Variants in MANBA observed in about 807,000 individuals in gnomAD.
The protein encoded by MANBA is mannosidase beta, also known as beta-mannosidase.
A neutral mutation model predicts 111.1 loss-of-function variants in MANBA; 83 were observed. The ratio of observed to expected loss-of-function variants is 0.75; its 90% CI spans 0.63 to 0.90. The LOEUF (loss-of-function observed/expected upper bound fraction) is 0.90. Ranked by LOEUF, MANBA falls within the 40% of genes least tolerant of loss-of-function variation. The pLI, the probability that MANBA is intolerant of heterozygous loss-of-function variation, is 0.00. For missense variants in MANBA, 1,036 were observed against 1,069.0 expected, an observed-to-expected ratio of 0.97 and a Z score of 0.43; for synonymous variants, 370 against 378.7, an observed-to-expected ratio of 0.98 and a Z score of 0.27.
chr4:102,697,483 A>C (rs981667058), intron 5 of MANBA, among the ~76,000 whole-genome samples: 1 of 149,368 alleles, frequency 6.7e-6, no homozygotes, highest in African/African-American at 2.5e-5. Flanking sequence ...CATTAGGTAT[A>C]TCTCCCAATG....
rs1336571654 is a variant in MANBA at position 102,664,702 on chromosome 4, T to C, written c.1468A>G (p.Arg490Gly). 6.2e-7 allele frequency: 1 copy of C among 1,612,926 alleles called. No homozygotes were observed. The highest frequency in any genetic ancestry group is 8.5e-7 in the Non-Finnish European group (1 of 1,178,820). Residue 490 changes from arginine to glycine, a missense_variant, in exon 11 of 17, where the codon AGA becomes GGA. Arg to Gly is a moderately radical substitution (Grantham distance 125, BLOSUM62 -2). Coordinates refer to ENST00000647097, the MANE Select transcript of MANBA (RefSeq NM_005908.4). The part of the protein sequence containing the change: ...DYVTLYVKNI[R>G]ELVLAGDKSR... ...TTACTTACTGCCAGTACGAGCTCTC[T>C]GATGTTTTTCACATAGAGTGTCACA... is the stretch of plus-strand genomic sequence containing the variant.
intron 11 of MANBA, 87 bp from the exon 12 acceptor site, chr4:102,657,987 T>C: frequency 9.9e-7 from 1 of 1,006,378 alleles, no homozygotes; most frequent in Non-Finnish European, 1.6e-6. Flanking sequence ...TACTAACAAG[T>C]CCCTGAAATG....
chr4:102,639,544 C>T lies in MANBA; in HGVS notation c.2014+169G>A, dbSNP rs115374885. On this transcript the variant is annotated intron_variant, in intron 14 of 16. Coordinates refer to ENST00000647097, the MANE Select transcript of MANBA (RefSeq NM_005908.4). ...GACCCTAAGGCTCATGGAAAGGCTA[C>T]TAAGGTGAGTTGGGTGGCTGTAGTT... Among the ~76,000 whole-genome samples, 1,667 of 152,272 alleles carry T rather than the reference C, an allele frequency of 0.011. 35 individuals are homozygous for T. The highest frequency in any genetic ancestry group is 0.038 in the African/African-American group (1,588 of 41,546).
chr4:102,648,253 T>A (rs1730185767), intron 13 of MANBA, among the ~76,000 whole-genome samples: 1 of 152,122 alleles, frequency 6.6e-6, no homozygotes, highest in Non-Finnish European at 1.5e-5. Flanking sequence ...TCTATGTCCA[T>A]ACGAAGATTT....
chr4:102,693,413 T>C (rs923008088), intron 5 of MANBA, among the ~76,000 whole-genome samples: 2 of 152,204 alleles, frequency 1.3e-5, no homozygotes, highest in Non-Finnish European at 2.9e-5. Context: ...AGTAATCTGT[T>C]AGGATTGCAG....
In MANBA at chr4:102,707,592, C is replaced by CA. The variant is rs557277723; in HGVS notation, c.673+6845dup. 1.8e-4 allele frequency among the ~76,000 whole-genome samples: 28 copies of CA among 151,578 alleles called. No individual in the cohort carries two copies. The South Asian group carries it at 3.8e-3, about 20-fold the overall frequency. On this transcript the variant is annotated intron_variant, in intron 5 of 16. Coordinates refer to ENST00000647097, the MANE Select transcript of MANBA (RefSeq NM_005908.4). Reference sequence around the variant, plus strand: ...CCACAGTGATAAACAATAATAGAAACAAAAAAAGGTATACAAAACAACCAG... The same window carrying CA: ...CCACAGTGATAAACAATAATAGAAACAAAAAAAAGGTATACAAAACAACCAG...
intron 3 of MANBA, among the ~76,000 whole-genome samples, chr4:102,723,525 C>A (rs113585170): frequency 5.3e-5 from 8 of 152,178 alleles, no homozygotes; most frequent in Admixed American, 4.6e-4. Flanking sequence ...TATAACTATT[C>A]CAGAAAGGAA....
At chr4:102,695,413 C>T (rs1218905806) in intron 5 of MANBA, among the ~76,000 whole-genome samples, 1 of 152,176 alleles carries the variant, frequency 6.6e-6, no homozygotes, top group African/African-American at 2.4e-5. Context: ...CCAAACTATA[C>T]ACTGAACCTT....
chr4:102,688,705 TTAAG>T (rs1393592978), intron 7 of MANBA, among the ~76,000 whole-genome samples: 3 of 152,212 alleles, frequency 2.0e-5, no homozygotes, highest in African/African-American at 7.2e-5. Context: ...TATTTTGAGA[TTAAG>T]TAAGTAGCCT....
At chr4:102,667,868 G>A (rs1578885276) in intron 10 of MANBA, 1 of 152,086 alleles carries the variant, frequency 6.6e-6, no homozygotes, top group South Asian at 2.1e-4. Context: ...ACATGTTGCA[G>A]AGCACTATAA....
chr4:102,714,262 T>C (rs1195951487), intron 5 of MANBA, among the ~76,000 whole-genome samples, 176 bp downstream of exon 5: 1 of 152,260 alleles, frequency 6.6e-6, no homozygotes, highest in African/African-American at 2.4e-5. Flanking sequence ...CTTTATATTG[T>C]CAATTTTCAT....
intron 5 of MANBA, among the ~76,000 whole-genome samples, chr4:102,700,815 C>G (rs1560782968): frequency 6.6e-6 from 1 of 151,960 alleles, no homozygotes; most frequent in South Asian, 2.1e-4. Context: ...TGATGTGGTG[C>G]TGAAAAAAAT....
chr4:102,709,957 A>C (rs1040591600), intron 5 of MANBA, among the ~76,000 whole-genome samples: 3 of 152,232 alleles, frequency 2.0e-5, no homozygotes, highest in African/African-American at 4.8e-5. Flanking sequence ...AATAAAATTC[A>C]ATATCCCTTC....
chr4:102,737,762 A>G (rs1723272724), intron 1 of MANBA, among the ~76,000 whole-genome samples: 2 of 152,160 alleles, frequency 1.3e-5, no homozygotes, highest in African/African-American at 4.8e-5. Context: ...GATGACAGGC[A>G]TGAGCGACTG....
At chr4:102,699,410 G>A (rs1732902666) in intron 5 of MANBA, among the ~76,000 whole-genome samples, 1 of 152,062 alleles carries the variant, frequency 6.6e-6, no homozygotes, top group Admixed American at 6.5e-5. Flanking sequence ...TAGGAATGGT[G>A]AGAGATGGCA....
At chr4:102,734,200 G>A (rs912400673) in intron 1 of MANBA, among the ~76,000 whole-genome samples, 17 of 152,336 alleles carry the variant, frequency 1.1e-4, no homozygotes, top group African/African-American at 4.1e-4. Context: ...GTGCATGCAA[G>A]GAGGTAGGAG....
At chr4:102,648,663 T>C (rs1730202952) in intron 13 of MANBA, among the ~76,000 whole-genome samples, 1 of 152,132 alleles carries the variant, frequency 6.6e-6, no homozygotes, top group Non-Finnish European at 1.5e-5. Context: ...TAGTGATGGT[T>C]GCACCACTCT....
chr4:102,638,410 C>T (rs993149961), intron 14 of MANBA, among the ~76,000 whole-genome samples: 1 of 151,890 alleles, frequency 6.6e-6, no homozygotes, highest in Admixed American at 6.6e-5. Flanking sequence ...TGGGCAAAAG[C>T]AGAGTGAGAC....
intron 1 of MANBA, among the ~76,000 whole-genome samples, chr4:102,749,052 T>C (rs909656554): frequency 2.0e-5 from 3 of 151,932 alleles, no homozygotes; most frequent in African/African-American, 7.3e-5. Flanking sequence ...GGAATGGTTA[T>C]AAGACAGTAT....
Sources: gnomAD v4.1 joint callset for allele counts (sites outside exome capture counted in the v4.1 genomes callset) on GRCh38, gnomAD v4.1.1 for gene constraint, MANE v1.5 for transcripts, NCBI Gene and HGNC (gene_info 2026-07-23, HGNC 2026-07-21) for gene names.